The following FAM210A variants were observed in gnomAD, a reference collection of about 807,000 sequenced individuals.
The protein encoded by FAM210A is mitochondrial inner membrane scaffold 1, also known as family with sequence similarity 210 member A.
In FAM210A, 13 loss-of-function variants were observed where a neutral mutation model predicts 25.3. The ratio of observed to expected loss-of-function variants is 0.51; its 90% CI spans 0.33 to 0.82. FAM210A has a LOEUF of 0.82. Ranked by LOEUF, FAM210A falls within the 40% of genes least tolerant of loss-of-function variation. The pLI is 0.02. For synonymous variants in FAM210A, 125 were observed against 118.7 expected, an observed-to-expected ratio of 1.05 and a Z score of -0.35; for missense variants, 319 against 323.2, an observed-to-expected ratio of 0.99 and a Z score of 0.10.
intron 2 of FAM210A, 82 bp from the exon 3 acceptor site, chr18:13,672,055 A>G: frequency 1.1e-6 from 1 of 940,694 alleles, no homozygotes; most frequent in Non-Finnish European, 1.6e-6. Context: ...CCAAAACCAC[A>G]CTATAATTTT....
intron 1 of FAM210A, among the ~76,000 whole-genome samples, chr18:13,707,325 C>CA (rs1239594782): frequency 1.3e-5 from 2 of 152,144 alleles, no homozygotes; most frequent in African/African-American, 4.8e-5. Flanking sequence ...CCAAACCAAA[C>CA]AAAAGTGGAG....
At chr18:13,725,748 T>C (rs577486205) in intron 1 of FAM210A, among the ~76,000 whole-genome samples, 39 of 152,238 alleles carry the variant, frequency 2.6e-4, no homozygotes, top group Admixed American at 2.2e-3. Context: ...CACTCCCCAG[T>C]AGAAATCTGG....
chr18:13,678,538 C>T (rs1038521917), intron 2 of FAM210A, among the ~76,000 whole-genome samples: 2 of 152,210 alleles, frequency 1.3e-5, no homozygotes, highest in Non-Finnish European at 2.9e-5. Context: ...GATCCGCCTG[C>T]CTCAGCCTCC....
chr18:13,701,884 G>A (rs1029532453), intron 1 of FAM210A, among the ~76,000 whole-genome samples: 2 of 152,186 alleles, frequency 1.3e-5, no homozygotes, highest in African/African-American at 2.4e-5. Flanking sequence ...ATGGAACTGG[G>A]TTAGAGGCCC....
At chr18:13,700,085 A>G (rs556751572) in intron 1 of FAM210A, among the ~76,000 whole-genome samples, 1 of 152,300 alleles carries the variant, frequency 6.6e-6, no homozygotes, top group East Asian at 1.9e-4. Flanking sequence ...ACACTGTCTT[A>G]TTTGAGTTAA....
chr18:13,668,168 C>T (rs1364352999), intron 3 of FAM210A, among the ~76,000 whole-genome samples: 3 of 152,204 alleles, frequency 2.0e-5, no homozygotes, highest in Non-Finnish European at 4.4e-5. Context: ...CAAGCTTTCA[C>T]CCATACCTCT....
At position 13,666,706 on chromosome 18, in the gene FAM210A, G is replaced by A; in HGVS notation, c.593C>T (p.Thr198Ile). The A allele has an allele frequency of 6.2e-7, 1 of 1,611,384 alleles. No homozygotes were observed. Among genetic ancestry groups the A allele is most frequent in the Non-Finnish European group, 8.5e-7 (1 of 1,178,014 alleles). ...CAAAGTCACGGTATACCGAGCAGGTGTTGCAATCTTAAGCAAAAAGCAAAC... is the reference window on the plus strand; with the variant it reads ...CAAAGTCACGGTATACCGAGCAGGTATTGCAATCTTAAGCAAAAAGCAAAC... ...LTAYALFKIA[T>I]PARYTVTLGG... The change falls in exon 4 of 4, where the codon ACA (threonine) becomes ATA (isoleucine). Residue 198 changes from threonine (T) to isoleucine (I), a missense_variant. Thr to Ile is a moderately conservative substitution (Grantham distance 89). Coordinates refer to ENST00000651643, the MANE Select transcript of FAM210A (RefSeq NM_152352.4).
At chr18:13,714,460 T>G (rs1345188475) in intron 1 of FAM210A, among the ~76,000 whole-genome samples, 2 of 152,182 alleles carry the variant, frequency 1.3e-5, no homozygotes, top group African/African-American at 4.8e-5. Context: ...GAAATGAGGC[T>G]GGAATTCTAG....
At chr18:13,712,133 T>C (rs1035821297) in intron 1 of FAM210A, among the ~76,000 whole-genome samples, 3 of 152,176 alleles carry the variant, frequency 2.0e-5, no homozygotes, top group Admixed American at 1.3e-4. Context: ...AGAAAAATAA[T>C]GGTGAAAAGA....
At position 13,665,502 on chromosome 18, in the gene FAM210A, T is replaced by G. The variant is rs1008777151; in HGVS notation, c.*978A>C. 13 of 151,352 alleles carry G rather than the reference T, an allele frequency of 8.6e-5. No individual in the cohort carries two copies. Among genetic ancestry groups the G allele is most frequent in the African/African-American group, 2.9e-4 (12 of 41,152 alleles). The allele number at this position is 151,352 out of a possible 1,614,324, so 9.4% of individuals were successfully genotyped here. A position where few individuals can be genotyped will look rare whatever the true frequency, so the allele number is the denominator to read the frequency against. On this transcript the variant is annotated 3_prime_UTR_variant, in exon 4 of 4. Transcript: ENST00000651643. ...ACTTTACTCCATAATGAAATCAGCA[T>G]GAATTCTGAAACTAAGACATTGGGA... is the stretch of plus-strand genomic sequence containing the variant.
chr18:13,717,421 G>A (rs2043869527), intron 1 of FAM210A, among the ~76,000 whole-genome samples: 1 of 151,956 alleles, frequency 6.6e-6, no homozygotes, highest in African/African-American at 2.4e-5. Flanking sequence ...GGGATTACAG[G>A]TGTGACCCAC....
chr18:13,683,985 G>T (rs2043575929), intron 1 of FAM210A, among the ~76,000 whole-genome samples: 1 of 152,160 alleles, frequency 6.6e-6, no homozygotes, highest in Admixed American at 6.5e-5. Flanking sequence ...CCTCCCAAAT[G>T]AATAATTAAC....
At chr18:13,695,141 A>C (rs2043681508) in intron 1 of FAM210A, among the ~76,000 whole-genome samples, 1 of 152,228 alleles carries the variant, frequency 6.6e-6, no homozygotes, top group Non-Finnish European at 1.5e-5. Flanking sequence ...CATCAGAGAA[A>C]TGCAAATCAA....
chr18:13,673,089 A>G (rs568191861), intron 2 of FAM210A, among the ~76,000 whole-genome samples: 1 of 147,084 alleles, frequency 6.8e-6, no homozygotes, highest in Non-Finnish European at 1.5e-5. Context: ...CTTTATTTCC[A>G]ATTTTCTGAT....
intron 1 of FAM210A, among the ~76,000 whole-genome samples, chr18:13,709,577 C>T (rs10221370): frequency 0.34 from 52,070 of 152,058 alleles, 10,868 homozygotes; most frequent in East Asian, 0.83. Flanking sequence ...GTCTTCCTTA[C>T]CTTGCTCTAT....
Position 13,710,908 on chromosome 18 carries a change from GCA to G in FAM210A, c.-29+15419_-29+15420del, listed in dbSNP as rs1218017013. On this transcript the variant is annotated intron_variant, in intron 1 of 3. Coordinates refer to ENST00000651643, the MANE Select transcript of FAM210A (RefSeq NM_152352.4). ...ATAAAACTCTTTGTGTACTCAAATA[GCA>G]CAGTCTCAGGAAACTGTTTTCCATG... Among the ~76,000 whole-genome samples the G allele has an allele frequency of 3.3e-5, 5 of 152,172 alleles. No homozygotes were observed. In the East Asian group the frequency reaches 5.8e-4, roughly 18 times the overall value.
Position 13,667,689 on chromosome 18 carries a change from G to C in FAM210A, c.586-976C>G, listed in dbSNP as rs115985783. ...ACCGAGATTGTACCATTGCGCTCCAGCCTGGGCGACAAGAGTGAAGCTACC... is the reference window on the plus strand; with the variant it reads ...ACCGAGATTGTACCATTGCGCTCCACCCTGGGCGACAAGAGTGAAGCTACC... On this transcript the variant is annotated intron_variant, in intron 3 of 3. Transcript: ENST00000651643. 4.0e-3 allele frequency among the ~76,000 whole-genome samples: 602 copies of C among 152,118 alleles called. 3 individuals carry two copies. The highest frequency in any genetic ancestry group is 0.014 in the African/African-American group (562 of 41,494).
chr18:13,674,855 G>T (rs367545907), intron 2 of FAM210A, among the ~76,000 whole-genome samples: 1,815 of 56,416 alleles, frequency 0.032, no homozygotes, highest in Non-Finnish European at 0.039. Context: ...CTGGCTTCTT[G>T]ATTTCCAGTT....
At chr18:13,716,414 G>A (rs1271315369) in intron 1 of FAM210A, among the ~76,000 whole-genome samples, 2 of 152,186 alleles carry the variant, frequency 1.3e-5, no homozygotes, top group African/African-American at 2.4e-5. Context: ...TTGGTCCAGG[G>A]ATGGGCATGT....
Sources: gnomAD v4.1 joint callset for allele counts (sites outside exome capture counted in the v4.1 genomes callset) on GRCh38, gnomAD v4.1.1 for gene constraint, MANE v1.5 for transcripts, NCBI Gene and HGNC (gene_info 2026-07-23, HGNC 2026-07-21) for gene names.